The following SHISA9 variants were observed in gnomAD, a reference collection of about 807,000 sequenced individuals.
SHISA9 encodes the protein shisa family member 9, also known as protein shisa-9.
A neutral mutation model predicts 38.0 loss-of-function variants in SHISA9; 13 were observed. The ratio of observed to expected loss-of-function variants is 0.34; its 90% CI spans 0.22 to 0.54. The LOEUF (loss-of-function observed/expected upper bound fraction) is 0.54, where lower values mean the gene tolerates loss of function less well. Ranked by LOEUF, SHISA9 falls within the 20% of genes least tolerant of loss-of-function variation. The pLI is 0.91. For synonymous variants in SHISA9, 275 were observed against 242.0 expected (o/e 1.14, Z -1.27); for missense variants, 538 against 575.8 (o/e 0.93, Z 0.67).
chr16:13,518,561 A>T, the SHISA9 span, among the ~76,000 whole-genome samples: 3 of 152,106 alleles, frequency 2.0e-5, no homozygotes, highest in Admixed American at 6.5e-5. Flanking sequence ...TACCTGCTCC[A>T]TCGAGCTGCT....
At chr16:12,920,500 C>T (rs1027073200) in intron 2 of SHISA9, among the ~76,000 whole-genome samples, 1 of 152,140 alleles carries the variant, frequency 6.6e-6, no homozygotes, top group African/African-American at 2.4e-5. Flanking sequence ...TAAAGAGTGT[C>T]ATTGGATTGT....
chr16:13,445,081 C>T, the SHISA9 span, among the ~76,000 whole-genome samples: 14 of 149,044 alleles, frequency 9.4e-5, no homozygotes, highest in African/African-American at 3.0e-4. Context: ...AGGCTGGTCT[C>T]GAACTCCTGA....
chr16:13,013,071 G>A (rs141641315), intron 2 of SHISA9, among the ~76,000 whole-genome samples: 1 of 152,338 alleles, frequency 6.6e-6, no homozygotes, highest in Non-Finnish European at 1.5e-5. Flanking sequence ...TGATTAAGCA[G>A]TTAAAGGCCG....
chr16:12,977,768 G>C (rs141640960), intron 2 of SHISA9, among the ~76,000 whole-genome samples: 1 of 152,034 alleles, frequency 6.6e-6, no homozygotes, highest in Non-Finnish European at 1.5e-5. Context: ...GCTGAACAAT[G>C]AGAACACATG....
the SHISA9 span, among the ~76,000 whole-genome samples, chr16:13,277,709 T>A: frequency 6.6e-6 from 1 of 152,024 alleles, no homozygotes; most frequent in Non-Finnish European, 1.5e-5. Flanking sequence ...AGTTCTTGAT[T>A]TGATTCTCCA....
intron 2 of SHISA9, among the ~76,000 whole-genome samples, chr16:12,977,173 A>G (rs775556216): frequency 1.3e-5 from 2 of 152,158 alleles, no homozygotes; most frequent in African/African-American, 2.4e-5. Flanking sequence ...TGTGTTCCAG[A>G]CAATGGAGGC....
chr16:13,552,003 G>A, the SHISA9 span, among the ~76,000 whole-genome samples: 1 of 152,078 alleles, frequency 6.6e-6, no homozygotes, highest in Non-Finnish European at 1.5e-5. Flanking sequence ...CTCCAGCCTG[G>A]GTAACAGAAC....
chr16:13,475,335 C>CATATATATATTTATATATATGTG, the SHISA9 span, among the ~76,000 whole-genome samples: 20 of 150,514 alleles, frequency 1.3e-4, no homozygotes, highest in Non-Finnish European at 2.2e-4. Context: ...ATATATATCA[C>CATATATATATTTATATATATGTG]ATATATATGT....
At chr16:13,180,188 C>T (rs1036633802) in intron 2 of SHISA9, among the ~76,000 whole-genome samples, 5 of 152,226 alleles carry the variant, frequency 3.3e-5, no homozygotes, top group Non-Finnish European at 7.3e-5. Context: ...CAATACTTGG[C>T]TCCTATGAAA....
chr16:12,980,544 G>C (rs1281501249), intron 2 of SHISA9, among the ~76,000 whole-genome samples: 5 of 148,764 alleles, frequency 3.4e-5, no homozygotes, highest in Admixed American at 6.7e-5. Flanking sequence ...AATAGTTTCT[G>C]AATTTTCACT....
chr16:13,193,378 G>A (rs1316891813), intron 2 of SHISA9, among the ~76,000 whole-genome samples: 5 of 152,094 alleles, frequency 3.3e-5, no homozygotes, highest in Non-Finnish European at 5.9e-5. Context: ...TTTAGATGGA[G>A]TCTTGCTCTG....
At chr16:13,523,942 A>T in the SHISA9 span, among the ~76,000 whole-genome samples, 2 of 152,218 alleles carry the variant, frequency 1.3e-5, no homozygotes, top group African/African-American at 4.8e-5. Context: ...TATTAAGAGG[A>T]AAGTACTACT....
At chr16:13,388,619 T>C in the SHISA9 span, among the ~76,000 whole-genome samples, 6 of 152,162 alleles carry the variant, frequency 3.9e-5, no homozygotes, top group Non-Finnish European at 2.9e-5. Flanking sequence ...ATTTGGACAG[T>C]CTTTTGTTTG....
the SHISA9 span, among the ~76,000 whole-genome samples, chr16:13,377,743 CA>C: frequency 6.6e-6 from 1 of 152,136 alleles, no homozygotes; most frequent in African/African-American, 2.4e-5. Context: ...AGCATTTATG[CA>C]AGGCCGGGTG....
chr16:13,024,371 G>C (rs903104711), intron 2 of SHISA9, among the ~76,000 whole-genome samples: 2 of 152,248 alleles, frequency 1.3e-5, no homozygotes, highest in Non-Finnish European at 2.9e-5. Flanking sequence ...GGCAGCTGGA[G>C]CCCAGGTGCT....
At chr16:13,532,347 G>T in the SHISA9 span, among the ~76,000 whole-genome samples, 1 of 152,162 alleles carries the variant, frequency 6.6e-6, no homozygotes, top group Non-Finnish European at 1.5e-5. Flanking sequence ...AAGAGCAGAG[G>T]AAACACAGCT....
the SHISA9 span, among the ~76,000 whole-genome samples, chr16:13,355,785 C>G: frequency 2.0e-5 from 3 of 152,074 alleles, no homozygotes; most frequent in African/African-American, 4.8e-5. Flanking sequence ...GCTCGATGTC[C>G]GTGATGGTCT....
At chr16:13,135,276 A>G (rs147199914) in intron 2 of SHISA9, among the ~76,000 whole-genome samples, 1,877 of 152,328 alleles carry the variant, frequency 0.012, 23 homozygotes, top group South Asian at 0.023. Flanking sequence ...TCAAATACCA[A>G]TAGTTATCAC....
At chr16:13,056,331 A>G (rs1275512703) in intron 2 of SHISA9, among the ~76,000 whole-genome samples, 4 of 152,194 alleles carry the variant, frequency 2.6e-5, no homozygotes, top group Non-Finnish European at 5.9e-5. Flanking sequence ...GAGGCAAACT[A>G]TGGTTTGTCT....
Sources: gnomAD v4.1 joint callset for allele counts (sites outside exome capture counted in the v4.1 genomes callset) on GRCh38, gnomAD v4.1.1 for gene constraint, MANE v1.5 for transcripts, NCBI Gene and HGNC (gene_info 2026-07-23, HGNC 2026-07-21) for gene names.